The following ZC3H14 variants were observed in gnomAD, a reference collection of about 807,000 sequenced individuals.
ZC3H14 encodes zinc finger CCCH domain-containing protein 14.
ZC3H14 carries 31 observed loss-of-function variants against 92.4 expected under a neutral mutation model. That is an observed-to-expected ratio of 0.34 (90% CI 0.25 to 0.45). The LOEUF (loss-of-function observed/expected upper bound fraction) is 0.45. Among genes scored for constraint, ZC3H14 ranks in the 20% least tolerant of loss-of-function variants. ZC3H14 has a pLI of 1.00. For missense variants in ZC3H14, 781 were observed against 897.3 expected (o/e 0.87, Z 1.66); for synonymous variants, 321 against 300.9 (o/e 1.07, Z -0.69).
chr14:88,601,151 T>C (rs1470385063), intron 10 of ZC3H14, among the ~76,000 whole-genome samples: 1 of 152,216 alleles, frequency 6.6e-6, no homozygotes, highest in Non-Finnish European at 1.5e-5. Flanking sequence ...TGTTTTTCTT[T>C]TTTTCTTTGT....
At position 88,621,646 on chromosome 14, in the gene ZC3H14, AT is replaced by A. The variant is rs1567019854; in HGVS notation, c.*9901del. Reference sequence around the variant, plus strand: ...GATATAGGAAAAAATAATAGAATTTATTTTTTAGTTAAAAAGTAAAAGCTTA... The same window carrying A: ...GATATAGGAAAAAATAATAGAATTTATTTTTAGTTAAAAAGTAAAAGCTTA... On this transcript the variant is annotated 3_prime_UTR_variant, in exon 17 of 17. Transcript: ENST00000251038. 3.3e-6 allele frequency: 1 copy of A among 305,274 alleles called. No homozygotes were observed. The highest frequency in any genetic ancestry group is 6.3e-6 in the Non-Finnish European group (1 of 158,756). The allele number at this position is 305,274 out of a possible 1,614,324, so 18.9% of individuals were successfully genotyped here. A position where few individuals can be genotyped will look rare whatever the true frequency, so the allele number is the denominator to read the frequency against.
chr14:88,572,366 T>A (rs1476272081), intron 5 of ZC3H14, 141 bp downstream of exon 5: 3 of 1,116,684 alleles, frequency 2.7e-6, no homozygotes, highest in Non-Finnish European at 3.9e-6. Context: ...TTGAATAAAA[T>A]AATGGATAAG....
rs2083454742 is a variant in ZC3H14, at chr14:88,593,842, A to G, written c.1280-2892A>G. ...AGCACAAGCAACCAAAGGAAAAAAG[A>G]TAACTCGGACTTCATCAAAATTTAG... On this transcript the variant is annotated intron_variant, in intron 9 of 16. Coordinates refer to ENST00000251038, the MANE Select transcript of ZC3H14 (RefSeq NM_024824.5). 2.0e-5 allele frequency among the ~76,000 whole-genome samples: 3 copies of G among 152,200 alleles called. No individual in the cohort carries two copies. The South Asian group carries it at 6.2e-4, about 31-fold the overall frequency.
intron 9 of ZC3H14, chr14:88,594,760 C>G (rs1303349299): frequency 6.2e-7 from 1 of 1,613,958 alleles, no homozygotes; most frequent in Admixed American, 1.7e-5. Flanking sequence ...ATCACCACCT[C>G]TACCAATTTT....
chr14:88,573,078 G>A (rs909179942), intron 6 of ZC3H14, 71 bp downstream of exon 6: 13 of 1,531,990 alleles, frequency 8.5e-6, no homozygotes, highest in Non-Finnish European at 1.2e-5. Flanking sequence ...AATATATGAA[G>A]TAACTAAACA....
At position 88,616,698 on chromosome 14, in the gene ZC3H14, GATA is replaced by G. The variant is rs1457295188; in HGVS notation, c.*4951_*4953del. The G allele has an allele frequency of 6.3e-7, 1 of 1,596,970 alleles. No homozygotes were observed. Among genetic ancestry groups the G allele is most frequent in the East Asian group, 2.2e-5 (1 of 44,622 alleles). On this transcript the variant is annotated 3_prime_UTR_variant, in exon 17 of 17. Coordinates refer to ENST00000251038, the MANE Select transcript of ZC3H14 (RefSeq NM_024824.5). The stretch of plus-strand genomic sequence containing the variant: ...AAGACATCAAAATTAGGAGTAAACT[GATA>G]ATAGTAAACAAAACACAAACTTACA...
In ZC3H14 at chr14:88,574,782, AGAT is replaced by A; in HGVS notation, c.958_960del (p.Asp320del). Reference sequence around the variant, plus strand: ...ATCATGATGGAGAAGAGGAGGAAGAAGATGATGATTACGGGTCTCGAACAGGAA... The same window carrying A: ...ATCATGATGGAGAAGAGGAGGAAGAAGATGATTACGGGTCTCGAACAGGAA... On this transcript the variant is annotated inframe_deletion, in exon 7 of 17. Coordinates refer to ENST00000251038, the MANE Select transcript of ZC3H14 (RefSeq NM_024824.5). The A allele has an allele frequency of 3.1e-6, 5 of 1,614,202 alleles. 1 individual carries two copies. The highest frequency in any genetic ancestry group is 2.2e-5 in the South Asian group (2 of 91,082).
rs1468494133 is a variant in ZC3H14, at chr14:88,624,075, T to G, written c.*12324T>G. 3 of 151,304 alleles carry G rather than the reference T, an allele frequency of 2.0e-5. No homozygotes were observed. Among genetic ancestry groups the G allele is most frequent in the Admixed American group, 6.5e-5 (1 of 15,276 alleles). 9.4% of individuals were successfully genotyped at this position (151,304 alleles called of 1,614,324 possible). A position where few individuals can be genotyped will look rare whatever the true frequency, so the allele number is the denominator to read the frequency against. On this transcript the variant is annotated 3_prime_UTR_variant, in exon 17 of 17. Transcript: ENST00000251038. ...GTCAACTATATGTCACATTTTTTTT[T>G]GTTTTTGTTTTTGTTTTTTAAATGG...
chr14:88,594,347 C>A, intron 9 of ZC3H14: 1 of 994,732 alleles, frequency 1.0e-6, no homozygotes, highest in Non-Finnish European at 1.2e-6. Context: ...TTGTGTGACA[C>A]ATGTCTGTTT....
At chr14:88,566,100 G>A (rs892527912) in intron 2 of ZC3H14, among the ~76,000 whole-genome samples, 7 of 138,392 alleles carry the variant, frequency 5.1e-5, no homozygotes, top group East Asian at 2.1e-4. Context: ...GGCTGATCTC[G>A]AACTCCTGAC....
intron 3 of ZC3H14, among the ~76,000 whole-genome samples, chr14:88,569,839 T>G (rs569935071): frequency 1.3e-5 from 2 of 152,198 alleles, no homozygotes; most frequent in Non-Finnish European, 1.5e-5. Context: ...TTGCACAAAT[T>G]TGAAGAACAT....
intron 9 of ZC3H14, among the ~76,000 whole-genome samples, chr14:88,584,155 C>T (rs1483228598): frequency 2.0e-5 from 3 of 152,130 alleles, no homozygotes; most frequent in South Asian, 4.1e-4. Context: ...GTTTCCCTGC[C>T]TTTGTTTTCA....
rs1432058330 is a variant in ZC3H14 at position 88,616,152 on chromosome 14, C to T, written c.*4401C>T. On this transcript the variant is annotated 3_prime_UTR_variant, in exon 17 of 17. Coordinates refer to ENST00000251038, the MANE Select transcript of ZC3H14 (RefSeq NM_024824.5). ...GAGAAAGTTACTAACCTGCAGTCAT[C>T]ACCTCCAGCACTAACAACATGTCGA... is the stretch of plus-strand genomic sequence containing the variant. 21 of 1,613,716 alleles carry T rather than the reference C, an allele frequency of 1.3e-5. No homozygotes were observed. Among genetic ancestry groups the T allele is most frequent in the Non-Finnish European group, 1.6e-5 (19 of 1,179,780 alleles).
At position 88,627,032 on chromosome 14, in the gene ZC3H14, T is replaced by G; in HGVS notation, c.*15281T>G. The G allele has an allele frequency of 2.5e-6, 4 of 1,613,926 alleles. No individual in the cohort carries two copies. The South Asian group carries it at 4.4e-5, about 18-fold the overall frequency. ...ATACGTTGATTGTGACCAGCTCTGCTGGCAATTTTGGCACCTGACAAGATA... is the reference window on the plus strand; with the variant it reads ...ATACGTTGATTGTGACCAGCTCTGCGGGCAATTTTGGCACCTGACAAGATA... On this transcript the variant is annotated 3_prime_UTR_variant, in exon 17 of 17. Transcript: ENST00000251038.
intron 2 of ZC3H14, among the ~76,000 whole-genome samples, chr14:88,565,865 AT>A (rs1405219042): frequency 1.3e-5 from 2 of 151,328 alleles, no homozygotes; most frequent in Non-Finnish European, 2.9e-5. Context: ...TTTGCAGTAA[AT>A]TTTTCTTTTT....
intron 9 of ZC3H14, among the ~76,000 whole-genome samples, chr14:88,582,935 A>G (rs547664228): frequency 3.3e-5 from 5 of 152,000 alleles, no homozygotes; most frequent in Admixed American, 1.3e-4. Context: ...GCATTCTCTC[A>G]TTTCTCTGGT....
chr14:88,625,389 T>C lies in ZC3H14; in HGVS notation c.*13638T>C, dbSNP rs188060750. 1.8e-4 allele frequency: 66 copies of C among 375,720 alleles called. No homozygotes were observed. In the East Asian group the frequency reaches 3.3e-3, roughly 19 times the overall value. 23.3% of individuals were successfully genotyped at this position (375,720 alleles called of 1,614,324 possible). A position where few individuals can be genotyped will look rare whatever the true frequency, so the allele number is the denominator to read the frequency against. On this transcript the variant is annotated 3_prime_UTR_variant, in exon 17 of 17. Transcript: ENST00000251038. ...CTTCCCTTCCAATTCTAACATACTA[T>C]AATTCTAGGGTTTATTTTTTATTTT...
chr14:88,579,852 A>G (rs1466137499), intron 9 of ZC3H14, among the ~76,000 whole-genome samples: 3 of 152,112 alleles, frequency 2.0e-5, no homozygotes, highest in Admixed American at 6.6e-5. Context: ...AAGAAATACA[A>G]TTTCAAAGTG....
chr14:88,568,280 G>C, intron 3 of ZC3H14, 127 bp downstream of exon 3: 1 of 746,380 alleles, frequency 1.3e-6, no homozygotes, highest in Admixed American at 2.0e-5. Flanking sequence ...TGAGTGATGA[G>C]AGCACAGCCT....
Sources: allele counts gnomAD v4.1 joint callset (sites outside exome capture counted in the v4.1 genomes callset), GRCh38; gene constraint gnomAD v4.1.1; transcripts MANE v1.5; gene names NCBI Gene and HGNC (gene_info 2026-07-23, HGNC 2026-07-21).